Variants in SUPT16H observed in about 807,000 individuals in gnomAD.
SUPT16H encodes FACT complex subunit SPT16.
SUPT16H carries 24 observed loss-of-function variants against 136.2 expected under a neutral mutation model. The observed-to-expected ratio is 0.18, with a 90% CI of 0.13 to 0.25. The LOEUF is 0.25. Among genes scored for constraint, SUPT16H ranks in the 10% least tolerant of loss-of-function variants. SUPT16H has a pLI of 1.00. For missense variants in SUPT16H, 623 were observed against 1,270.2 expected (o/e 0.49, Z 7.74); for synonymous variants, 415 against 428.2 (o/e 0.97, Z 0.38).
At chr14:21,367,862 G>GA (rs1886705298) in intron 7 of SUPT16H, among the ~76,000 whole-genome samples, 1 of 152,176 alleles carries the variant, frequency 6.6e-6, no homozygotes, top group African/African-American at 2.4e-5. Flanking sequence ...TTTTTAATAT[G>GA]AGAGCCTCAG....
rs1325909846 is a variant in SUPT16H, at chr14:21,372,101, CAT to C, written c.160-59_160-58del. The C allele has an allele frequency of 5.4e-5, 82 of 1,526,612 alleles. No homozygotes were observed. The South Asian group carries it at 9.7e-4, about 18-fold the overall frequency. 94.6% of individuals were successfully genotyped at this position (1,526,612 alleles called of 1,614,324 possible). A position where few individuals can be genotyped will look rare whatever the true frequency, so the allele number is the denominator to read the frequency against. ...TTACAGATACAAAAATTAATGGACT[CAT>C]ATAGATATACAGAAATACTTATAGA... is the stretch of plus-strand genomic sequence containing the variant. On this transcript the variant is annotated intron_variant, in intron 2 of 25. Transcript: ENST00000216297.
At position 21,360,877 on chromosome 14, in the gene SUPT16H, C is replaced by T; in HGVS notation, c.2025G>A (p.Arg675=). The T allele has an allele frequency of 1.9e-6, 3 of 1,614,132 alleles. No individual in the cohort carries two copies. The highest frequency in any genetic ancestry group is 2.5e-6 in the Non-Finnish European group (3 of 1,180,034). The change falls in exon 17 of 26, where the codon AGG becomes AGA. Residue 675 remains arginine, a synonymous_variant. Coordinates refer to ENST00000216297, the MANE Select transcript of SUPT16H (RefSeq NM_007192.4). ...LYIRPNIAQK[R]MQGSLEAHVN... is the part of the protein sequence containing the mutation. Reference sequence around the variant, plus strand: ...CATGGGCCTCCAGTGAGCCTTGCATCCTCTTTTGGGCAATATTTGGGCGAA... The same window carrying T: ...CATGGGCCTCCAGTGAGCCTTGCATTCTCTTTTGGGCAATATTTGGGCGAA...
At chr14:21,358,140 A>G (rs1886474801) in intron 20 of SUPT16H, 138 bp from the exon 21 acceptor site, 3 of 856,068 alleles carry the variant, frequency 3.5e-6, no homozygotes, top group Non-Finnish European at 5.5e-6. Flanking sequence ...AAGCCTCTTA[A>G]GAGTTAGCCA....
chr14:21,352,485 T>C lies in SUPT16H; in HGVS notation c.*188A>G, dbSNP rs1240379852. The C allele has an allele frequency of 7.9e-5, 67 of 850,252 alleles. 1 individual carries two copies. The highest frequency in any genetic ancestry group is 6.7e-4 in the South Asian group (39 of 58,470). The allele number at this position is 850,252 out of a possible 1,614,324, so 52.7% of individuals were successfully genotyped here. A position where few individuals can be genotyped will look rare whatever the true frequency, so the allele number is the denominator to read the frequency against. On this transcript the variant is annotated 3_prime_UTR_variant, in exon 26 of 26. Transcript: ENST00000216297. ...CTCCCTTGCCATCTGAATGGGGCCA[T>C]TGGCACGTGTCCTGGTGGGCCTGGA... is the stretch of plus-strand genomic sequence containing the variant.
intron 1 of SUPT16H, among the ~76,000 whole-genome samples, chr14:21,381,140 T>C (rs1425075891): frequency 1.3e-5 from 2 of 152,110 alleles, no homozygotes; most frequent in African/African-American, 4.8e-5. Context: ...TAAGGTCTCC[T>C]GTTGATTTTT....
At chr14:21,362,349 G>C in intron 14 of SUPT16H, 25 bp from the exon 15 acceptor site, 1 of 1,597,298 alleles carries the variant, frequency 6.3e-7, no homozygotes, top group Non-Finnish European at 8.5e-7. Flanking sequence ...AGCATAAAAA[G>C]TAAACAGATT....
At chr14:21,369,466 G>T in intron 5 of SUPT16H, 111 bp from the exon 6 acceptor site, 1 of 1,403,834 alleles carries the variant, frequency 7.1e-7, no homozygotes, top group Non-Finnish European at 9.8e-7. Context: ...CTTAGGAAAT[G>T]ATTTATGCGC....
intron 7 of SUPT16H, among the ~76,000 whole-genome samples, chr14:21,367,299 C>A (rs925956148): frequency 6.6e-6 from 1 of 151,594 alleles, no homozygotes; most frequent in Non-Finnish European, 1.5e-5. Flanking sequence ...TAATAAAATA[C>A]TTTAAGAGTT....
Position 21,352,774 on chromosome 14 carries a change from T to C in SUPT16H, c.3043A>G (p.Ser1015Gly), listed in dbSNP as rs773261513. Residue 1015 changes from serine to glycine, a missense_variant, in exon 26 of 26, where the codon AGT becomes GGT. By Grantham distance (56) the Ser-to-Gly change is moderately conservative (BLOSUM62 0). This residue lies in a region of SUPT16H where 88 missense variants were observed against 135.5 expected (regional missense o/e 0.65). Coordinates refer to ENST00000216297, the MANE Select transcript of SUPT16H (RefSeq NM_007192.4). ...RYEEEEEQSR[S>G]MSRKRKASVH... is the part of the protein sequence containing the mutation. ...GATGCCTTCCTCTTCCGGCTCATAC[T>C]TCGACTTTGTTCTTCTTCTTCCTCG... 6.2e-7 allele frequency: 1 copy of C among 1,614,062 alleles called. No individual in the cohort carries two copies. The highest frequency in any genetic ancestry group is 1.7e-5 in the Admixed American group (1 of 59,996).
chr14:21,381,027 T>C (rs1383063400), intron 1 of SUPT16H, among the ~76,000 whole-genome samples: 1 of 151,892 alleles, frequency 6.6e-6, no homozygotes, highest in Non-Finnish European at 1.5e-5. Context: ...ACAGAGAAGG[T>C]GCTGCAAATC....
chr14:21,362,729 T>G (rs747495123), intron 14 of SUPT16H, 65 bp downstream of exon 14: 30 of 1,520,044 alleles, frequency 2.0e-5, no homozygotes, highest in Admixed American at 6.1e-5. Context: ...AGATTATTTA[T>G]GGCAAATACA....
chr14:21,360,255 C>T (rs1025169432), intron 18 of SUPT16H, among the ~76,000 whole-genome samples, 160 bp downstream of exon 18: 19 of 152,120 alleles, frequency 1.2e-4, no homozygotes, highest in South Asian at 1.0e-3. Flanking sequence ...GTCGAACTCC[C>T]GACCTCAGGT....
At chr14:21,375,141 G>A (rs1363653003) in intron 1 of SUPT16H, among the ~76,000 whole-genome samples, 3 of 152,032 alleles carry the variant, frequency 2.0e-5, no homozygotes, top group Non-Finnish European at 4.4e-5. Context: ...AGCCTCCCAA[G>A]TAGCGGGACT....
chr14:21,376,701 C>G (rs1778197193), intron 1 of SUPT16H, among the ~76,000 whole-genome samples: 1 of 151,914 alleles, frequency 6.6e-6, no homozygotes, highest in Non-Finnish European at 1.5e-5. Flanking sequence ...ACTACACACT[C>G]AGGAAAAAAG....
At chr14:21,368,875 T>C (rs1402085761) in intron 6 of SUPT16H, among the ~76,000 whole-genome samples, 1 of 152,014 alleles carries the variant, frequency 6.6e-6, no homozygotes, top group Non-Finnish European at 1.5e-5. Flanking sequence ...TTGGATTACA[T>C]GGAGATAGGG....
At chr14:21,363,199 C>T in intron 12 of SUPT16H, 34 bp downstream of exon 12, 1 of 1,613,998 alleles carries the variant, frequency 6.2e-7, no homozygotes, top group Non-Finnish European at 8.5e-7. Flanking sequence ...CATATGACAG[C>T]CGAGATCAAT....
chr14:21,355,452 C>T (rs1212228697), intron 22 of SUPT16H, among the ~76,000 whole-genome samples: 2 of 148,274 alleles, frequency 1.3e-5, no homozygotes, highest in Non-Finnish European at 3.0e-5. Context: ...GAGATCGTGC[C>T]ACTGCACTCC....
chr14:21,369,979 G>T, intron 4 of SUPT16H, 83 bp from the exon 5 acceptor site: 1 of 1,490,584 alleles, frequency 6.7e-7, no homozygotes, highest in Non-Finnish European at 9.2e-7. Flanking sequence ...AATATTACCA[G>T]TGATATTTCT....
chr14:21,358,706 C>G lies in SUPT16H; in HGVS notation c.2302-279G>C, dbSNP rs574817883. Among the ~76,000 whole-genome samples, 432 of 152,336 alleles carry G rather than the reference C, an allele frequency of 2.8e-3. 4 individuals carry two copies. The highest frequency in any genetic ancestry group is 8.1e-3 in the African/African-American group (335 of 41,578). On this transcript the variant is annotated intron_variant, in intron 19 of 25. Transcript: ENST00000216297. The stretch of plus-strand genomic sequence containing the variant: ...AATATTTAAGGTCACCATGCCATTA[C>G]CTGTCAAGCTGAGTCTGCAACCTAA...
Sources: gnomAD v4.1 joint callset for allele counts (sites outside exome capture counted in the v4.1 genomes callset) on GRCh38, gnomAD v4.1.1 for gene constraint, gnomAD v4.1.1 regional missense constraint, MANE v1.5 for transcripts, NCBI Gene and HGNC (gene_info 2026-07-23, HGNC 2026-07-21) for gene names.